The following STK32B variants were observed in gnomAD, a reference collection of about 807,000 sequenced individuals.
STK32B encodes the protein serine/threonine-protein kinase 32B.
A neutral mutation model predicts 52.6 loss-of-function variants in STK32B; 43 were observed. The observed-to-expected ratio is 0.82, with a 90% CI of 0.64 to 1.05. The LOEUF is 1.05. Among genes scored for constraint, STK32B ranks in the 50% least tolerant of loss-of-function variants. The pLI, the probability that STK32B is intolerant of heterozygous loss-of-function variation, is 0.00. For missense variants in STK32B, 621 were observed against 534.6 expected (o/e 1.16, Z -1.59); for synonymous variants, 238 against 204.3 (o/e 1.17, Z -1.41).
intron 3 of STK32B, among the ~76,000 whole-genome samples, chr4:5,188,524 C>G (rs1257269694): frequency 1.3e-5 from 2 of 152,110 alleles, no homozygotes; most frequent in East Asian, 1.9e-4. Flanking sequence ...CTCTGGAAAT[C>G]TGCAAGGCAT....
intron 4 of STK32B, among the ~76,000 whole-genome samples, chr4:5,369,662 C>T (rs1476832914): frequency 6.6e-6 from 1 of 152,158 alleles, no homozygotes; most frequent in African/African-American, 2.4e-5. Flanking sequence ...GCTCTACCCT[C>T]ATGGTCTTTG....
chr4:5,063,620 T>G (rs79206991), intron 1 of STK32B, among the ~76,000 whole-genome samples: 2,050 of 152,304 alleles, frequency 0.013, 57 homozygotes, highest in African/African-American at 0.046. Flanking sequence ...TGGCCAACTT[T>G]CAATGTGTCA....
At chr4:5,128,785 T>C (rs559258946) in intron 1 of STK32B, among the ~76,000 whole-genome samples, 134 of 152,258 alleles carry the variant, frequency 8.8e-4, no homozygotes, top group African/African-American at 2.5e-3. Flanking sequence ...GCTGAATCTC[T>C]CTCTGGCTGC....
At position 5,395,872 on chromosome 4, in the gene STK32B, T is replaced by A. The variant is rs147564341; in HGVS notation, c.435-2335T>A. 1.3e-3 allele frequency among the ~76,000 whole-genome samples: 196 copies of A among 152,352 alleles called. No individual in the cohort carries two copies. Among genetic ancestry groups the A allele is most frequent in the African/African-American group, 4.0e-3 (165 of 41,582 alleles). ...ACAGAACAGCCCCTTTCCTTGGCTC[T>A]GTGGGGTCTAGGGACCAAGGTGGCC... On this transcript the variant is annotated intron_variant, in intron 4 of 11. Transcript: ENST00000282908. This position sits in a 1 kb window ranked among gnomAD's most constrained non-coding sequence, Gnocchi z 4.4.
chr4:5,078,575 A>T (rs1346122069), intron 1 of STK32B, among the ~76,000 whole-genome samples: 1 of 152,166 alleles, frequency 6.6e-6, no homozygotes, highest in Non-Finnish European at 1.5e-5. Flanking sequence ...AACCTGTCTG[A>T]GCTCCAGATT....
chr4:5,147,944 C>G (rs552093591), intron 2 of STK32B, among the ~76,000 whole-genome samples: 13 of 151,972 alleles, frequency 8.6e-5, no homozygotes, highest in Middle Eastern at 6.8e-3. Context: ...TTTTCCTTCT[C>G]TGTTTTCTGA....
chr4:5,438,972 T>C (rs527359283), intron 6 of STK32B, among the ~76,000 whole-genome samples: 1 of 151,560 alleles, frequency 6.6e-6, no homozygotes, highest in East Asian at 1.9e-4. Flanking sequence ...ATGGTGTGTA[T>C]GTGCCACATT....
At chr4:5,078,534 G>T (rs985868017) in intron 1 of STK32B, among the ~76,000 whole-genome samples, 6 of 152,214 alleles carry the variant, frequency 3.9e-5, no homozygotes, top group Admixed American at 3.3e-4. Context: ...AGTTCTGGGG[G>T]TCTAGAATGT....
At chr4:5,191,273 CAG>C (rs1553847521) in intron 3 of STK32B, among the ~76,000 whole-genome samples, 1 of 147,332 alleles carries the variant, frequency 6.8e-6, no homozygotes, top group Non-Finnish European at 1.5e-5. Flanking sequence ...TTTTTTGAGA[CAG>C]AGTCTCGCTC....
chr4:5,459,769 A>G (rs947801386), intron 8 of STK32B, among the ~76,000 whole-genome samples: 4 of 152,126 alleles, frequency 2.6e-5, no homozygotes, highest in African/African-American at 9.7e-5. Context: ...AATTCTTTCT[A>G]TTTGTAATTG....
intron 1 of STK32B, among the ~76,000 whole-genome samples, chr4:5,112,081 G>C (rs1436716425): frequency 6.6e-6 from 1 of 152,150 alleles, no homozygotes. Context: ...GCTGCTCTCA[G>C]AGTACTTTAA....
At chr4:5,268,163 T>A (rs1727173172) in intron 3 of STK32B, among the ~76,000 whole-genome samples, 1 of 152,136 alleles carries the variant, frequency 6.6e-6, no homozygotes, top group South Asian at 2.1e-4. Flanking sequence ...GTAAAGAAAG[T>A]TTCACTTTGA....
rs186766595 is a variant in STK32B, at chr4:5,060,641, A to G, written c.52+8726A>G. Among the ~76,000 whole-genome samples, 27 of 152,242 alleles carry G rather than the reference A, an allele frequency of 1.8e-4. No homozygotes were observed. In the South Asian group the frequency reaches 4.3e-3, roughly 25 times the overall value. On this transcript the variant is annotated intron_variant, in intron 1 of 11. Transcript: ENST00000282908. ...TTTTTATTTCACTTAGGAGTTTCCA[A>G]TGGAATTAGTTTCCTTTGATGAAGT...
chr4:5,376,189 C>T lies in STK32B; in HGVS notation c.435-22018C>T, dbSNP rs140935016. Among the ~76,000 whole-genome samples, 574 of 152,260 alleles carry T rather than the reference C, an allele frequency of 3.8e-3. 3 individuals carry two copies. Among genetic ancestry groups the T allele is most frequent in the African/African-American group, 0.013 (538 of 41,556 alleles). On this transcript the variant is annotated intron_variant, in intron 4 of 11. Coordinates refer to ENST00000282908, the MANE Select transcript of STK32B (RefSeq NM_018401.3). The stretch of plus-strand genomic sequence containing the variant: ...AAAAATCAGAGTTCCTCCACTCCGC[C>T]GGACCAGGTTCTCCATCTGCTTTTG...
At chr4:5,381,710 G>T (rs1735946093) in intron 4 of STK32B, among the ~76,000 whole-genome samples, 1 of 152,172 alleles carries the variant, frequency 6.6e-6, no homozygotes, top group Admixed American at 6.5e-5. Flanking sequence ...TGCCATATCT[G>T]CCCCCACCTT....
intron 3 of STK32B, among the ~76,000 whole-genome samples, chr4:5,294,083 A>C (rs1349704504): frequency 1.3e-5 from 2 of 152,136 alleles, no homozygotes; most frequent in African/African-American, 4.8e-5. Flanking sequence ...AGTTTGTCAA[A>C]GATCAGATGG....
intron 4 of STK32B, among the ~76,000 whole-genome samples, chr4:5,362,437 C>T (rs1003381781): frequency 6.6e-6 from 1 of 152,202 alleles, no homozygotes; most frequent in Non-Finnish European, 1.5e-5. Context: ...ATTGATGCGC[C>T]TTTGGATAAC....
chr4:5,183,994 C>G (rs1012444781), intron 3 of STK32B, among the ~76,000 whole-genome samples: 5 of 152,194 alleles, frequency 3.3e-5, no homozygotes, highest in Non-Finnish European at 5.9e-5. Flanking sequence ...TTCTCCGTAT[C>G]AGCAGTTAGG....
In STK32B at chr4:5,380,012, C is replaced by A. The variant is rs376304380; in HGVS notation, c.435-18195C>A. On this transcript the variant is annotated intron_variant, in intron 4 of 11. Transcript: ENST00000282908. The surrounding 1 kb of genome is among the most constrained non-coding windows in gnomAD (Gnocchi z 4.3). ...GTGACTCCCAGGGCTGCAGCTGTAG[C>A]TACCACCGTCAGAGACAGGCCCTGA... Among the ~76,000 whole-genome samples, 12 of 152,302 alleles carry A rather than the reference C, an allele frequency of 7.9e-5. No individual in the cohort carries two copies. Among genetic ancestry groups the A allele is most frequent in the African/African-American group, 2.9e-4 (12 of 41,560 alleles).
Sources: allele counts gnomAD v4.1 joint callset (sites outside exome capture counted in the v4.1 genomes callset), GRCh38; gene constraint gnomAD v4.1.1; non-coding constraint Gnocchi (gnomAD v3.1); transcripts MANE v1.5; gene names NCBI Gene and HGNC (gene_info 2026-07-23, HGNC 2026-07-21).